The following DOCK2 variants were observed in gnomAD, a reference collection of about 807,000 sequenced individuals.
The protein encoded by DOCK2 is dedicator of cytokinesis protein 2.
DOCK2 carries 87 observed loss-of-function variants against 248.9 expected under a neutral mutation model. The ratio of observed to expected loss-of-function variants is 0.35; its 90% CI spans 0.29 to 0.42. The LOEUF (loss-of-function observed/expected upper bound fraction) is 0.42. Ranked by LOEUF, DOCK2 falls within the 10% of genes least tolerant of loss-of-function variation. DOCK2 has a pLI of 1.00. For synonymous variants in DOCK2, 805 were observed against 821.6 expected, an observed-to-expected ratio of 0.98 and a Z score of 0.35; for missense variants, 1,747 against 2,300.2, an observed-to-expected ratio of 0.76 and a Z score of 4.92.
At chr5:169,795,442 T>A (rs1013754694) in intron 25 of DOCK2, among the ~76,000 whole-genome samples, 3 of 152,116 alleles carry the variant, frequency 2.0e-5, no homozygotes, top group Non-Finnish European at 4.4e-5. Flanking sequence ...CTGCAGGTGA[T>A]GATTCTGGGT....
chr5:169,920,126 A>G (rs1438199362), intron 27 of DOCK2, among the ~76,000 whole-genome samples: 2 of 152,120 alleles, frequency 1.3e-5, no homozygotes, highest in African/African-American at 4.8e-5. Context: ...GCTTTTTGAG[A>G]TTTAGCGTCT....
chr5:169,644,962 A>G (rs1439279248), intron 1 of DOCK2, among the ~76,000 whole-genome samples: 2 of 152,194 alleles, frequency 1.3e-5, no homozygotes, highest in Non-Finnish European at 2.9e-5. Flanking sequence ...TGTCCCTGCA[A>G]AGGACATGAT....
intron 37 of DOCK2, 133 bp from the exon 38 acceptor site, chr5:170,041,880 G>T: frequency 8.6e-7 from 1 of 1,156,890 alleles, no homozygotes. Flanking sequence ...AATAAGCTGA[G>T]TTCAAGAAAG....
chr5:170,012,023 A>G (rs1162243711), intron 32 of DOCK2, among the ~76,000 whole-genome samples: 2 of 152,148 alleles, frequency 1.3e-5, no homozygotes, highest in African/African-American at 2.4e-5. Context: ...ATCTAATTCA[A>G]CCCTGCCGAT....
chr5:170,060,331 T>C (rs1561903094), intron 44 of DOCK2, among the ~76,000 whole-genome samples: 1 of 152,222 alleles, frequency 6.6e-6, no homozygotes, highest in Non-Finnish European at 1.5e-5. Flanking sequence ...GATGGAACTT[T>C]AGGGAGCTTA....
At chr5:169,839,796 G>T (rs529219012) in intron 26 of DOCK2, among the ~76,000 whole-genome samples, 4 of 152,040 alleles carry the variant, frequency 2.6e-5, no homozygotes, top group Non-Finnish European at 5.9e-5. Context: ...CCCTAGTCCC[G>T]GGGCTCCAGA....
chr5:169,885,859 T>C (rs763914698), intron 27 of DOCK2, among the ~76,000 whole-genome samples: 12 of 135,780 alleles, frequency 8.8e-5, no homozygotes, highest in Non-Finnish European at 1.7e-4. Flanking sequence ...TTGCATTATC[T>C]CATTTAATCC....
intron 29 of DOCK2, among the ~76,000 whole-genome samples, chr5:169,995,548 A>G (rs1485529669): frequency 6.6e-6 from 1 of 152,272 alleles, no homozygotes; most frequent in African/African-American, 2.4e-5. Context: ...ATATATCTAC[A>G]TTCATTGGCC....
chr5:169,898,849 GT>G (rs1039542306), intron 27 of DOCK2, among the ~76,000 whole-genome samples: 20 of 152,322 alleles, frequency 1.3e-4, no homozygotes, highest in Admixed American at 1.3e-3. Flanking sequence ...GTGGACGGTA[GT>G]TTGCTGCCGT....
intron 27 of DOCK2, among the ~76,000 whole-genome samples, chr5:169,979,452 A>T (rs896901919): frequency 1.3e-5 from 2 of 152,330 alleles, no homozygotes; most frequent in Middle Eastern, 3.4e-3. Flanking sequence ...TTATTCCATG[A>T]TTCTATCGCT....
intron 37 of DOCK2, 99 bp from the exon 38 acceptor site, chr5:170,041,914 T>G: frequency 7.2e-7 from 1 of 1,391,582 alleles, no homozygotes; most frequent in East Asian, 2.6e-5. Flanking sequence ...AAGGACAGGG[T>G]GTGTGTTGGC....
chr5:170,021,138 G>T (rs369323522), intron 33 of DOCK2, among the ~76,000 whole-genome samples: 36 of 152,306 alleles, frequency 2.4e-4, no homozygotes, highest in African/African-American at 8.7e-4. Context: ...TTTTTGTGAA[G>T]AGCCTGTAAA....
rs115216938 is a variant in DOCK2, at chr5:170,030,077, T to C, written c.3467+2129T>C. Among the ~76,000 whole-genome samples, 521 of 152,330 alleles carry C rather than the reference T, an allele frequency of 3.4e-3. 4 individuals carry two copies. Among genetic ancestry groups the C allele is most frequent in the African/African-American group, 0.012 (488 of 41,570 alleles). ...ATTCTGGCTGAGTCAGTGTTTATCT[T>C]AAAGTTCTAAACAAGAAAATCAAAA... On this transcript the variant is annotated intron_variant, in intron 34 of 51. Coordinates refer to ENST00000520908, the MANE Select transcript of DOCK2 (RefSeq NM_004946.3).
chr5:170,063,869 G>T (rs945137701), intron 44 of DOCK2, among the ~76,000 whole-genome samples: 2 of 152,208 alleles, frequency 1.3e-5, no homozygotes, highest in Non-Finnish European at 2.9e-5. Context: ...ACTTGCCACA[G>T]ATTCTCTCCC....
intron 27 of DOCK2, among the ~76,000 whole-genome samples, chr5:169,950,823 A>G (rs1309216893): frequency 6.6e-6 from 1 of 152,120 alleles, no homozygotes; most frequent in Non-Finnish European, 1.5e-5. Flanking sequence ...GCCTCCTCTC[A>G]CAGTCTGGGC....
chr5:169,984,360 A>G (rs1778012768), intron 28 of DOCK2, among the ~76,000 whole-genome samples: 1 of 152,176 alleles, frequency 6.6e-6, no homozygotes, highest in South Asian at 2.1e-4. Flanking sequence ...TAATATAACA[A>G]TACTCACCAT....
At chr5:169,699,879 TG>T in intron 12 of DOCK2, 134 bp from the exon 13 acceptor site, 1 of 1,287,932 alleles carries the variant, frequency 7.8e-7, no homozygotes. Flanking sequence ...CCCTGTGGGC[TG>T]GGTGGCTGCA....
Position 170,082,924 on chromosome 5 carries a change from C to A in DOCK2, c.*66C>A. 6.2e-7 allele frequency: 1 copy of A among 1,600,016 alleles called. No individual in the cohort carries two copies. Among genetic ancestry groups the A allele is most frequent in the Non-Finnish European group, 8.6e-7 (1 of 1,168,368 alleles). The stretch of plus-strand genomic sequence containing the variant: ...GAGTTTCTGGAAGAGGAAAGCCATG[C>A]GTGGAACATCGAAGCCTCAGAGAGT... On this transcript the variant is annotated 3_prime_UTR_variant, in exon 52 of 52. Transcript: ENST00000520908.
chr5:169,900,247 T>C (rs1773846746), intron 27 of DOCK2, among the ~76,000 whole-genome samples: 1 of 152,158 alleles, frequency 6.6e-6, no homozygotes, highest in Non-Finnish European at 1.5e-5. Flanking sequence ...GGCCCTAACC[T>C]GTTGGGACCT....
Sources: allele counts gnomAD v4.1 joint callset (sites outside exome capture counted in the v4.1 genomes callset), GRCh38; gene constraint gnomAD v4.1.1; transcripts MANE v1.5; gene names NCBI Gene and HGNC (gene_info 2026-07-23, HGNC 2026-07-21).